POU2F1: variants seen among roughly 807,000 people sequenced by gnomAD.
POU2F1 encodes the protein POU class 2 homeobox 1.
A neutral mutation model predicts 84.9 loss-of-function variants in POU2F1; 16 were observed. The observed-to-expected ratio is 0.19, with a 90% CI of 0.13 to 0.29. POU2F1 has a LOEUF of 0.29. POU2F1 is among the 10% of genes least tolerant of loss of function. The pLI is 1.00. For synonymous variants in POU2F1, 368 were observed against 368.3 expected, an observed-to-expected ratio of 1.00 and a Z score of 0.01; for missense variants, 738 against 942.6, an observed-to-expected ratio of 0.78 and a Z score of 2.84.
intron 3 of POU2F1, among the ~76,000 whole-genome samples, chr1:167,368,010 A>C (rs1170484107): frequency 3.9e-5 from 6 of 152,206 alleles, no homozygotes; most frequent in Non-Finnish European, 8.8e-5. Context: ...TAAAAACAGC[A>C]TTCTCTTATA....
intron 7 of POU2F1, among the ~76,000 whole-genome samples, chr1:167,381,633 C>CA (rs1647561039): frequency 1.7e-5 from 1 of 60,432 alleles, no homozygotes; most frequent in African/African-American, 6.8e-5. Flanking sequence ...TTTTTTGAGA[C>CA]AGAGTCTTGT....
intron 2 of POU2F1, among the ~76,000 whole-genome samples, chr1:167,346,949 C>T (rs1277278696): frequency 6.6e-6 from 1 of 152,138 alleles, no homozygotes; most frequent in Non-Finnish European, 1.5e-5. Flanking sequence ...ATGGAAGAAA[C>T]GCTCTCCACA....
chr1:167,221,343 G>A (rs994447899), intron 1 of POU2F1, among the ~76,000 whole-genome samples: 8 of 150,908 alleles, frequency 5.3e-5, no homozygotes, highest in Non-Finnish European at 1.2e-4. Context: ...GGGGCAGAGG[G>A]AGAGGACAAT....
intron 8 of POU2F1, among the ~76,000 whole-genome samples, chr1:167,385,090 T>A (rs1318325897): frequency 6.6e-6 from 1 of 152,024 alleles, no homozygotes; most frequent in Non-Finnish European, 1.5e-5. Context: ...GAAAAAGAAA[T>A]TTACAGTACT....
At position 167,416,033 on chromosome 1, in the gene POU2F1, AAC is replaced by A. The variant is rs1164225327; in HGVS notation, c.*226_*227del. On this transcript the variant is annotated 3_prime_UTR_variant, in exon 16 of 16. Transcript: ENST00000367866. Reference sequence around the variant, plus strand: ...GAACATTTGCCTAATTTTGTAATAAAACACTGTCTTTTCAGGATTGCTTCATG... The same window carrying A: ...GAACATTTGCCTAATTTTGTAATAAAACTGTCTTTTCAGGATTGCTTCATG... 7 of 661,890 alleles carry A rather than the reference AAC, an allele frequency of 1.1e-5. No homozygotes were observed. Among genetic ancestry groups the A allele is most frequent in the Non-Finnish European group, 1.9e-5 (7 of 371,070 alleles). 41.0% of individuals were successfully genotyped at this position (661,890 alleles called of 1,614,324 possible). A position where few individuals can be genotyped will look rare whatever the true frequency, so the allele number is the denominator to read the frequency against.
chr1:167,371,892 T>G (rs772080629), intron 4 of POU2F1, 25 bp from the exon 5 acceptor site: 1 of 1,613,964 alleles, frequency 6.2e-7, no homozygotes, highest in South Asian at 1.1e-5. Context: ...TTGCAATCTT[T>G]TATTTCCTAC....
At chr1:167,346,291 T>C (rs1658193140) in intron 2 of POU2F1, among the ~76,000 whole-genome samples, 1 of 152,206 alleles carries the variant, frequency 6.6e-6, no homozygotes, top group South Asian at 2.1e-4. Flanking sequence ...GCATCACTGA[T>C]AATGCATTCA....
At position 167,274,706 on chromosome 1, in the gene POU2F1, G is replaced by C. The variant is rs546709930; in HGVS notation, c.61+53748G>C. ...TGTAGACTCACTGTGTTTCCGAAAG[G>C]GTTGGGAGTTAAAATAGTTTGGTTG... On this transcript the variant is annotated intron_variant, in intron 1 of 15. Transcript: ENST00000367866. 1.2e-4 allele frequency among the ~76,000 whole-genome samples: 18 copies of C among 152,198 alleles called. No individual in the cohort carries two copies. In the South Asian group the frequency reaches 2.1e-3, roughly 18 times the overall value.
rs1011993104 is a variant in POU2F1 at position 167,417,399 on chromosome 1, T to C, written c.*1589T>C. 4.6e-5 allele frequency: 7 copies of C among 152,210 alleles called. No homozygotes were observed. Among genetic ancestry groups the C allele is most frequent in the African/African-American group, 1.4e-4 (6 of 41,438 alleles). 9.4% of individuals were successfully genotyped at this position (152,210 alleles called of 1,614,324 possible). On this transcript the variant is annotated 3_prime_UTR_variant, in exon 16 of 16. Coordinates refer to ENST00000367866, the MANE Select transcript of POU2F1 (RefSeq NM_002697.4). ...TAGAAAGTAATTAGCTCTGTAATTA[T>C]TTTCAGGGTGTTTGTAGACTATATA...
At chr1:167,248,720 G>T (rs890852311) in intron 1 of POU2F1, among the ~76,000 whole-genome samples, 1 of 152,120 alleles carries the variant, frequency 6.6e-6, no homozygotes, top group Non-Finnish European at 1.5e-5. Flanking sequence ...ACAAACACAA[G>T]AGCATCTAAG....
chr1:167,391,875 T>C (rs535026739), intron 9 of POU2F1, among the ~76,000 whole-genome samples: 1 of 152,232 alleles, frequency 6.6e-6, no homozygotes, highest in East Asian at 1.9e-4. Context: ...TATATTTCTT[T>C]GGGAATTCAT....
chr1:167,421,344 T>C lies in POU2F1; in HGVS notation c.*5534T>C, dbSNP rs1650640002. Reference sequence around the variant, plus strand: ...TCATCATAAAGGCCAATCATCCATTTCTTAGTCCAAGGAGATTAAATATAA... The same window carrying C: ...TCATCATAAAGGCCAATCATCCATTCCTTAGTCCAAGGAGATTAAATATAA... On this transcript the variant is annotated 3_prime_UTR_variant, in exon 16 of 16. Transcript: ENST00000367866. 1 of 152,222 alleles carries C rather than the reference T, an allele frequency of 6.6e-6. No homozygotes were observed. The highest frequency in any genetic ancestry group is 1.5e-5 in the Non-Finnish European group (1 of 68,036). The allele number at this position is 152,222 out of a possible 1,614,324, so 9.4% of individuals were successfully genotyped here.
rs1323142895 is a variant in POU2F1, at chr1:167,421,061, G to A, written c.*5251G>A. On this transcript the variant is annotated 3_prime_UTR_variant, in exon 16 of 16. Coordinates refer to ENST00000367866, the MANE Select transcript of POU2F1 (RefSeq NM_002697.4). ...ATGAGTTTGCTTTTATGTGTGTGTG[G>A]AAAGCATTTAATGTGTGATGCTGTT... 2 of 152,170 alleles carry A rather than the reference G, an allele frequency of 1.3e-5. No homozygotes were observed. The highest frequency in any genetic ancestry group is 4.8e-5 in the African/African-American group (2 of 41,444). 9.4% of individuals were successfully genotyped at this position (152,170 alleles called of 1,614,324 possible). A position where few individuals can be genotyped will look rare whatever the true frequency, so the allele number is the denominator to read the frequency against.
intron 1 of POU2F1, among the ~76,000 whole-genome samples, chr1:167,330,311 T>C (rs1056587373): frequency 6.6e-6 from 1 of 152,124 alleles, no homozygotes; most frequent in African/African-American, 2.4e-5. Flanking sequence ...AAATGATACT[T>C]CTGAAAACGT....
intron 2 of POU2F1, among the ~76,000 whole-genome samples, chr1:167,352,611 G>A (rs371509841): frequency 6.6e-6 from 1 of 152,302 alleles, no homozygotes; most frequent in African/African-American, 2.4e-5. Context: ...TTCAGTGGAA[G>A]TATTTCTGTA....
chr1:167,296,788 G>A (rs1386038199), intron 1 of POU2F1, among the ~76,000 whole-genome samples: 3 of 152,156 alleles, frequency 2.0e-5, no homozygotes, highest in Non-Finnish European at 1.5e-5. Flanking sequence ...GATCATATCT[G>A]TAACTATCCA....
intron 1 of POU2F1, among the ~76,000 whole-genome samples, chr1:167,273,596 G>C (rs1652526108): frequency 6.6e-6 from 1 of 152,252 alleles, no homozygotes; most frequent in South Asian, 2.1e-4. Flanking sequence ...GCAGCAGCCT[G>C]AGACGTATCT....
chr1:167,346,527 G>A (rs1168100724), intron 2 of POU2F1, among the ~76,000 whole-genome samples: 1 of 152,110 alleles, frequency 6.6e-6, no homozygotes, highest in African/African-American at 2.4e-5. Context: ...AGTAGGGGAT[G>A]GTTTGGGGGA....
At chr1:167,228,933 G>T (rs984239447) in intron 1 of POU2F1, among the ~76,000 whole-genome samples, 1 of 152,050 alleles carries the variant, frequency 6.6e-6, no homozygotes, top group African/African-American at 2.4e-5. Context: ...TCAGGCAAGC[G>T]TTACTATACC....
Sources: allele counts gnomAD v4.1 joint callset (sites outside exome capture counted in the v4.1 genomes callset), GRCh38; gene constraint gnomAD v4.1.1; transcripts MANE v1.5; gene names NCBI Gene and HGNC (gene_info 2026-07-23, HGNC 2026-07-21).